Variants in TMEM178B observed in about 807,000 individuals in gnomAD.
The protein encoded by TMEM178B is transmembrane protein 178B.
A neutral mutation model predicts 31.0 loss-of-function variants in TMEM178B; 5 were observed. The observed-to-expected ratio is 0.16, with a 90% CI of 0.08 to 0.34. TMEM178B has a LOEUF of 0.34. Ranked by LOEUF, TMEM178B falls within the 10% of genes least tolerant of loss-of-function variation. TMEM178B has a pLI of 1.00. For synonymous variants in TMEM178B, 164 were observed against 164.0 expected (o/e 1.00, Z 0.00); for missense variants, 275 against 400.3 (o/e 0.69, Z 2.67).
At chr7:141,293,399 T>A (rs1162865713) in intron 2 of TMEM178B, among the ~76,000 whole-genome samples, 2 of 152,204 alleles carry the variant, frequency 1.3e-5, no homozygotes, top group East Asian at 3.8e-4. Flanking sequence ...ACTTGGCTGT[T>A]AAGACCCCTG....
At chr7:141,123,256 A>T (rs556949790) in intron 1 of TMEM178B, among the ~76,000 whole-genome samples, 2 of 152,334 alleles carry the variant, frequency 1.3e-5, no homozygotes, top group South Asian at 4.1e-4. Context: ...GCTTTAATGG[A>T]CTGGGTGTTC....
rs542085422 is a variant in TMEM178B at position 141,341,382 on chromosome 7, G to A, written c.497-96226G>A. Among the ~76,000 whole-genome samples, 5 of 152,232 alleles carry A rather than the reference G, an allele frequency of 3.3e-5. No homozygotes were observed. The South Asian group carries it at 1.0e-3, about 32-fold the overall frequency. ...GGAAAATGAGAAGGAAAAAGAGCAAGGATTTCTCTTCTGCCCAGTCCCATT... is the reference window on the plus strand; with the variant it reads ...GGAAAATGAGAAGGAAAAAGAGCAAAGATTTCTCTTCTGCCCAGTCCCATT... On this transcript the variant is annotated intron_variant, in intron 2 of 3. Transcript: ENST00000565468.
chr7:141,234,058 A>G (rs1797489353), intron 2 of TMEM178B, among the ~76,000 whole-genome samples: 2 of 152,284 alleles, frequency 1.3e-5, no homozygotes, highest in Admixed American at 6.5e-5. Context: ...AAAAAGATGT[A>G]TGGTCCAGAT....
At chr7:141,291,591 C>T (rs1183447328) in intron 2 of TMEM178B, among the ~76,000 whole-genome samples, 1 of 152,114 alleles carries the variant, frequency 6.6e-6, no homozygotes, top group Non-Finnish European at 1.5e-5. Context: ...ACAATTCCTG[C>T]CCCAGGGGGA....
At chr7:141,102,530 A>G (rs79587754) in intron 1 of TMEM178B, among the ~76,000 whole-genome samples, 3,877 of 152,132 alleles carry the variant, frequency 0.025, 69 homozygotes, top group Non-Finnish European at 0.04. Flanking sequence ...TACAGATTTA[A>G]TTTTTCAAGC....
chr7:141,191,602 C>T (rs1586818161), intron 1 of TMEM178B, among the ~76,000 whole-genome samples: 1 of 152,314 alleles, frequency 6.6e-6, no homozygotes, highest in African/African-American at 2.4e-5. Flanking sequence ...ATTTTGAGTG[C>T]TCTTGAGTAT....
chr7:141,498,379 C>T, the TMEM178B span, among the ~76,000 whole-genome samples: 1 of 152,200 alleles, frequency 6.6e-6, no homozygotes, highest in African/African-American at 2.4e-5. Context: ...TGAGTCTGCC[C>T]TGTGGCCTTC....
chr7:141,494,038 CT>C, the TMEM178B span, among the ~76,000 whole-genome samples: 3 of 152,192 alleles, frequency 2.0e-5, no homozygotes, highest in African/African-American at 7.2e-5. Context: ...CCTTTCCCCC[CT>C]CCCCATTTCC....
chr7:141,155,294 G>A (rs4726342), intron 1 of TMEM178B, among the ~76,000 whole-genome samples: 108,673 of 152,058 alleles, frequency 0.71, 39,357 homozygotes, highest in African/African-American at 0.8. Context: ...AGCCCATGGG[G>A]CTCTTGCTGC....
At chr7:141,268,986 C>T (rs1798136964) in intron 2 of TMEM178B, among the ~76,000 whole-genome samples, 1 of 152,140 alleles carries the variant, frequency 6.6e-6, no homozygotes, top group Admixed American at 6.5e-5. Context: ...TCCTCTCATC[C>T]TTCAAGGGGG....
chr7:141,182,742 G>A (rs1011987420), intron 1 of TMEM178B, among the ~76,000 whole-genome samples: 1 of 152,168 alleles, frequency 6.6e-6, no homozygotes, highest in Non-Finnish European at 1.5e-5. Flanking sequence ...TGTTCTTGTG[G>A]TGGTGAATAA....
chr7:141,242,569 T>A (rs1797643706), intron 2 of TMEM178B, among the ~76,000 whole-genome samples: 1 of 135,510 alleles, frequency 7.4e-6, no homozygotes. Flanking sequence ...TGAGACGGAA[T>A]CTCACTCTGT....
chr7:141,342,436 C>A (rs1022388950), intron 2 of TMEM178B, among the ~76,000 whole-genome samples: 2 of 152,190 alleles, frequency 1.3e-5, no homozygotes, highest in African/African-American at 2.4e-5. Context: ...TTTCTCAGAA[C>A]CCCTTCTCAG....
chr7:141,136,533 T>C (rs573480966), intron 1 of TMEM178B, among the ~76,000 whole-genome samples: 1 of 152,254 alleles, frequency 6.6e-6, no homozygotes, highest in African/African-American at 2.4e-5. Flanking sequence ...GATAGAACTA[T>C]ATTAAACTAA....
At chr7:141,499,024 A>T in the TMEM178B span, among the ~76,000 whole-genome samples, 64 of 152,316 alleles carry the variant, frequency 4.2e-4, no homozygotes, top group African/African-American at 8.7e-4. Flanking sequence ...TGTAGAATTT[A>T]AAAAAGCATG....
chr7:141,299,267 C>T (rs920167276), intron 2 of TMEM178B, among the ~76,000 whole-genome samples: 2 of 152,106 alleles, frequency 1.3e-5, no homozygotes, highest in Admixed American at 6.5e-5. Flanking sequence ...AACTCCGCAT[C>T]CTAGGTGCAA....
intron 1 of TMEM178B, among the ~76,000 whole-genome samples, chr7:141,128,017 A>C (rs781649863): frequency 3.9e-5 from 6 of 152,192 alleles, no homozygotes; most frequent in Non-Finnish European, 7.4e-5. Flanking sequence ...GGCTGTGTGA[A>C]TTCCAGTTCG....
At chr7:141,494,185 G>A in the TMEM178B span, among the ~76,000 whole-genome samples, 1 of 152,138 alleles carries the variant, frequency 6.6e-6, no homozygotes, top group South Asian at 2.1e-4. Context: ...TCTACCAAGA[G>A]GAGAAGATAA....
At chr7:141,241,590 C>CAAAAAAAAAAAAAAAAAAA (rs766018973) in intron 2 of TMEM178B, among the ~76,000 whole-genome samples, 1 of 75,972 alleles carries the variant, frequency 1.3e-5, no homozygotes, top group Non-Finnish European at 2.4e-5. Flanking sequence ...GACTTCGTCT[C>CAAAAAAAAAAAAAAAAAAA]AAAAAAAAAA....
Sources: allele counts gnomAD v4.1 joint callset (sites outside exome capture counted in the v4.1 genomes callset), GRCh38; gene constraint gnomAD v4.1.1; transcripts MANE v1.5; gene names NCBI Gene and HGNC (gene_info 2026-07-23, HGNC 2026-07-21).